The following OR4K2 variants were observed in gnomAD, a reference collection of about 807,000 sequenced individuals.
The protein encoded by OR4K2 is olfactory receptor family 4 subfamily K member 2.
In OR4K2, 8 loss-of-function variants were observed where a neutral mutation model predicts 10.5. That is an observed-to-expected ratio of 0.76 (90% CI 0.45 to 1.37). OR4K2 has a LOEUF of 1.37. OR4K2 is among the 40% of genes most tolerant of loss of function. OR4K2 has a pLI of 0.00. For missense variants in OR4K2, 547 were observed against 379.5 expected, an observed-to-expected ratio of 1.44 and a Z score of -3.67; for synonymous variants, 178 against 133.6, an observed-to-expected ratio of 1.33 and a Z score of -2.29.
At position 19,880,143 on chromosome 14, in the gene OR4K2, G is replaced by T. The variant is rs1047334435; in HGVS notation, c.*2931G>T. The T allele has an allele frequency of 1.3e-5, 2 of 152,988 alleles. No homozygotes were observed. The highest frequency in any genetic ancestry group is 3.6e-4 in the South Asian group (2 of 5,564). The allele number at this position is 152,988 out of a possible 1,614,324, so 9.5% of individuals were successfully genotyped here. On this transcript the variant is annotated 3_prime_UTR_variant, in exon 2 of 2. Coordinates refer to ENST00000641885, the MANE Select transcript of OR4K2 (RefSeq NM_001005501.2). ...CCAACACAATTCTTCTTCCAATGTG[G>T]CCCAGAGAAGCCAAAACTTTGGACA...
rs1276886850 is a variant in OR4K2 at position 19,883,101 on chromosome 14, C to T, written c.*5889C>T. On this transcript the variant is annotated 3_prime_UTR_variant, in exon 2 of 2. Transcript: ENST00000641885. ...GTCTGAAATATGCTGATTGCATGCT[C>T]ATGGTACAGTTCAACATGGACTTCT... is the stretch of plus-strand genomic sequence containing the variant. The T allele has an allele frequency of 1.3e-5, 2 of 152,334 alleles. No individual in the cohort carries two copies. The highest frequency in any genetic ancestry group is 1.3e-4 in the Admixed American group (2 of 15,294). 9.4% of individuals were successfully genotyped at this position (152,334 alleles called of 1,614,324 possible). A position where few individuals can be genotyped will look rare whatever the true frequency, so the allele number is the denominator to read the frequency against.
At position 19,875,232 on chromosome 14, in the gene OR4K2, C is replaced by T. The variant is rs1235222531; in HGVS notation, c.-926C>T. 6.6e-6 allele frequency: 1 copy of T among 152,260 alleles called. No individual in the cohort carries two copies. Among genetic ancestry groups the T allele is most frequent in the African/African-American group, 2.4e-5 (1 of 41,472 alleles). The allele number at this position is 152,260 out of a possible 1,614,324, so 9.4% of individuals were successfully genotyped here. On this transcript the variant is annotated 5_prime_UTR_variant, in exon 1 of 2. Transcript: ENST00000641885. Reference sequence around the variant, plus strand: ...TATATTTTAAATTGCCTTCGATGCTCTGTCAGAAGCCTACTTAACACTGAA... The same window carrying T: ...TATATTTTAAATTGCCTTCGATGCTTTGTCAGAAGCCTACTTAACACTGAA...
rs1337113906 is a variant in OR4K2, at chr14:19,881,508, A to G, written c.*4296A>G. On this transcript the variant is annotated 3_prime_UTR_variant, in exon 2 of 2. Coordinates refer to ENST00000641885, the MANE Select transcript of OR4K2 (RefSeq NM_001005501.2). ...TTTTCTCTTTGATTTTTGTAAAACA[A>G]ACAAATAAATTCCAATATCTAGTAT... 1 of 152,056 alleles carries G rather than the reference A, an allele frequency of 6.6e-6. No individual in the cohort carries two copies. The highest frequency in any genetic ancestry group is 1.5e-5 in the Non-Finnish European group (1 of 68,030). The allele number at this position is 152,056 out of a possible 1,614,324, so 9.4% of individuals were successfully genotyped here.
rs373060743 is a variant in OR4K2, at chr14:19,876,406, A to G, written c.139A>G (p.Ile47Val). The change falls in exon 2 of 2, where the codon ATC becomes GTC. Residue 47 changes from isoleucine to valine, a missense_variant. Coordinates refer to ENST00000641885, the MANE Select transcript of OR4K2 (RefSeq NM_001005501.2). ...ATMVGNSLIV[I>V]TVIVDPHLHS... ...AATGGTGGGTAACAGCCTCATAGTC[A>G]TCACAGTTATAGTGGACCCTCACCT... The G allele has an allele frequency of 1.9e-6, 3 of 1,613,938 alleles. No individual in the cohort carries two copies. The highest frequency in any genetic ancestry group is 2.5e-6 in the Non-Finnish European group (3 of 1,179,958).
chr14:19,876,554 G>T lies in OR4K2; in HGVS notation c.287G>T (p.Gly96Val), dbSNP rs1389547145. Reference sequence around the variant, plus strand: ...GGTCACAAAACCATCTCTTTTGATGGCTGCCTTACCCAGATATTCTTTCTC... The same window carrying T: ...GGTCACAAAACCATCTCTTTTGATGTCTGCCTTACCCAGATATTCTTTCTC... ...LTGHKTISFD[G>V]CLTQIFFLHL... The change falls in exon 2 of 2, where the codon GGC (glycine) becomes GTC (valine). Residue 96 changes from glycine (G) to valine (V), a missense_variant. Coordinates refer to ENST00000641885, the MANE Select transcript of OR4K2 (RefSeq NM_001005501.2). The T allele has an allele frequency of 6.2e-7, 1 of 1,614,134 alleles. No individual in the cohort carries two copies. The highest frequency in any genetic ancestry group is 8.5e-7 in the Non-Finnish European group (1 of 1,179,994).
In OR4K2 at chr14:19,876,631, A is replaced by T. The variant is rs1880909155; in HGVS notation, c.364A>T (p.Arg122Trp). Residue 122 changes from arginine (R) to tryptophan (W), a missense_variant, in exon 2 of 2, where the codon AGG (arginine) becomes TGG (tryptophan). By Grantham distance (101) the Arg-to-Trp change is moderately radical (BLOSUM62 -3). Coordinates refer to ENST00000641885, the MANE Select transcript of OR4K2 (RefSeq NM_001005501.2). Reference sequence around the variant, plus strand: ...CTTACTCATGGCCATGTCCTTTGATAGGTATATTGCAATATGCAAGCCCCT... The same window carrying T: ...CTTACTCATGGCCATGTCCTTTGATTGGTATATTGCAATATGCAAGCCCCT... Reference protein sequence around the residue: ...IILLMAMSFDRYIAICKPLHY... With the variant: ...IILLMAMSFDWYIAICKPLHY... 1.2e-6 allele frequency: 2 copies of T among 1,614,172 alleles called. No individual in the cohort carries two copies. The highest frequency in any genetic ancestry group is 4.5e-5 in the East Asian group (2 of 44,894).
rs1271168155 is a variant in OR4K2 at position 19,879,116 on chromosome 14, T to C, written c.*1904T>C. The C allele has an allele frequency of 6.6e-6, 1 of 152,130 alleles. No individual in the cohort carries two copies. The highest frequency in any genetic ancestry group is 6.6e-5 in the Admixed American group (1 of 15,266). 9.4% of individuals were successfully genotyped at this position (152,130 alleles called of 1,614,324 possible). A position where few individuals can be genotyped will look rare whatever the true frequency, so the allele number is the denominator to read the frequency against. On this transcript the variant is annotated 3_prime_UTR_variant, in exon 2 of 2. Transcript: ENST00000641885. ...ACAACTCTATAAGGCAAGTCAATAA[T>C]GAGATTAAGTAGTTGGATTGATAGT...
rs961190172 is a variant in OR4K2, at chr14:19,882,000, G to A, written c.*4788G>A. On this transcript the variant is annotated 3_prime_UTR_variant, in exon 2 of 2. Coordinates refer to ENST00000641885, the MANE Select transcript of OR4K2 (RefSeq NM_001005501.2). Reference sequence around the variant, plus strand: ...ATTTAATACAATGTATTAAATGCTTGTGAATAATTCAAAGACTTACAGGAA... The same window carrying A: ...ATTTAATACAATGTATTAAATGCTTATGAATAATTCAAAGACTTACAGGAA... The A allele has an allele frequency of 2.0e-5, 3 of 152,202 alleles. No individual in the cohort carries two copies. Among genetic ancestry groups the A allele is most frequent in the African/African-American group, 7.2e-5 (3 of 41,440 alleles). 9.4% of individuals were successfully genotyped at this position (152,202 alleles called of 1,614,324 possible).
At position 19,880,906 on chromosome 14, in the gene OR4K2, T is replaced by G. The variant is rs983304891; in HGVS notation, c.*3694T>G. On this transcript the variant is annotated 3_prime_UTR_variant, in exon 2 of 2. Coordinates refer to ENST00000641885, the MANE Select transcript of OR4K2 (RefSeq NM_001005501.2). Reference sequence around the variant, plus strand: ...ATTATATGAGCTGTCTTATGTGAAGTATTTTTCTGCATTGATAAGGGTTTA... The same window carrying G: ...ATTATATGAGCTGTCTTATGTGAAGGATTTTTCTGCATTGATAAGGGTTTA... 1.3e-5 allele frequency: 2 copies of G among 152,272 alleles called. No individual in the cohort carries two copies. Among genetic ancestry groups the G allele is most frequent in the African/African-American group, 4.8e-5 (2 of 41,476 alleles). 9.4% of individuals were successfully genotyped at this position (152,272 alleles called of 1,614,324 possible). A position where few individuals can be genotyped will look rare whatever the true frequency, so the allele number is the denominator to read the frequency against.
Position 19,880,473 on chromosome 14 carries a change from T to C in OR4K2, c.*3261T>C, listed in dbSNP as rs544976286. On this transcript the variant is annotated 3_prime_UTR_variant, in exon 2 of 2. Transcript: ENST00000641885. ...GGTGATAACCTCTGGATATCTTTGT[T>C]TATGGGACTTGATAGTCTCTTGAGC... 1.3e-5 allele frequency: 2 copies of C among 152,226 alleles called. No homozygotes were observed. Among genetic ancestry groups the C allele is most frequent in the Non-Finnish European group, 2.9e-5 (2 of 68,028 alleles). 9.4% of individuals were successfully genotyped at this position (152,226 alleles called of 1,614,324 possible).
chr14:19,876,302 T>A lies in OR4K2; in HGVS notation c.35T>A (p.Phe12Tyr). The change falls in exon 2 of 2, where the codon TTT becomes TAT. Residue 12 changes from phenylalanine (F) to tyrosine (Y), a missense_variant. Coordinates refer to ENST00000641885, the MANE Select transcript of OR4K2 (RefSeq NM_001005501.2). ...DVGNKSTMSE[F>Y]VLLGLSNSWE... ...GGCAATAAGTCTACCATGTCTGAAT[T>A]TGTTTTGCTGGGGCTCTCTAATTCC... is the stretch of plus-strand genomic sequence containing the variant. The A allele has an allele frequency of 6.2e-7, 1 of 1,613,408 alleles. No individual in the cohort carries two copies. Among genetic ancestry groups the A allele is most frequent in the Non-Finnish European group, 8.5e-7 (1 of 1,179,722 alleles).
rs773011464 is a variant in OR4K2, at chr14:19,876,983, CTTGTACAGCTCATTTCA to C, written c.721_737del (p.Thr241CysfsTer58). Reference sequence around the variant, plus strand: ...AGAGGATCATCTAAGGCCCTTTCTACTTGTACAGCTCATTTCATTGTTGTCTTCTTGTTCTTTGGGCC... The same window carrying C: ...AGAGGATCATCTAAGGCCCTTTCTACTTGTTGTCTTCTTGTTCTTTGGGCC... On this transcript the variant is annotated frameshift_variant, in exon 2 of 2. Transcript: ENST00000641885. LOFTEE classifies it high-confidence loss of function. The C allele has an allele frequency of 6.2e-7, 1 of 1,613,978 alleles. No homozygotes were observed. The highest frequency in any genetic ancestry group is 1.7e-5 in the Admixed American group (1 of 60,018).
Position 19,877,080 on chromosome 14 carries a change from G to T in OR4K2, c.813G>T (p.Leu271=). 3.1e-6 allele frequency: 5 copies of T among 1,611,146 alleles called. No individual in the cohort carries two copies. The highest frequency in any genetic ancestry group is 4.2e-6 in the Non-Finnish European group (5 of 1,179,822). The part of the protein sequence containing the change: ...PLSSFLTDKI[L]SVFYTIFTPT... ...GCAGCTTTCTCACAGACAAGATTCT[G>T]TCTGTGTTTTATACCATCTTTACTC... The change falls in exon 2 of 2, where the codon CTG becomes CTT. Residue 271 remains leucine, a synonymous_variant. Transcript: ENST00000641885.
Position 19,877,181 on chromosome 14 carries a change from T to G in OR4K2, c.914T>G (p.Phe305Cys). The G allele has an allele frequency of 6.3e-7, 1 of 1,595,368 alleles. No homozygotes were observed. The highest frequency in any genetic ancestry group is 8.5e-7 in the Non-Finnish European group (1 of 1,176,854). The change falls in exon 2 of 2, where the codon TTT (phenylalanine) becomes TGT (cysteine). Residue 305 changes from phenylalanine to cysteine, a missense_variant. Coordinates refer to ENST00000641885, the MANE Select transcript of OR4K2 (RefSeq NM_001005501.2). ...KIAMRKLKNR[F>C]LNFNKAMPS ...GCCATGAGGAAACTGAAAAATAGGTTTCTAAATTTTAATAAGGCAATGCCT... is the reference window on the plus strand; with the variant it reads ...GCCATGAGGAAACTGAAAAATAGGTGTCTAAATTTTAATAAGGCAATGCCT...
rs189109364 is a variant in OR4K2, at chr14:19,882,848, G to A, written c.*5636G>A. 17 of 85,130 alleles carry A rather than the reference G, an allele frequency of 2.0e-4. No individual in the cohort carries two copies. The East Asian group carries it at 7.3e-3, about 37-fold the overall frequency. The allele number at this position is 85,130 out of a possible 1,614,324, so 5.3% of individuals were successfully genotyped here. ...TTTTTTCTTTTTTTTTTTTTTTTGA[G>A]ACGGAGTCTTGCTCTGTCGCCCAGG... On this transcript the variant is annotated 3_prime_UTR_variant, in exon 2 of 2. Transcript: ENST00000641885.
Position 19,882,134 on chromosome 14 carries a change from A to G in OR4K2, c.*4922A>G, listed in dbSNP as rs572484569. On this transcript the variant is annotated 3_prime_UTR_variant, in exon 2 of 2. Coordinates refer to ENST00000641885, the MANE Select transcript of OR4K2 (RefSeq NM_001005501.2). ...GCCTTGGTGTCATTGCCACTCCTTC[A>G]TCACCCTCAGCACTCTTGAAGGTGG... is the stretch of plus-strand genomic sequence containing the variant. The G allele has an allele frequency of 6.6e-6, 1 of 152,398 alleles. No individual in the cohort carries two copies. Among genetic ancestry groups the G allele is most frequent in the African/African-American group, 2.4e-5 (1 of 41,454 alleles). 9.4% of individuals were successfully genotyped at this position (152,398 alleles called of 1,614,324 possible). A position where few individuals can be genotyped will look rare whatever the true frequency, so the allele number is the denominator to read the frequency against.
At position 19,876,391 on chromosome 14, in the gene OR4K2, A is replaced by G. The variant is rs778877181; in HGVS notation, c.124A>G (p.Asn42Asp). The G allele has an allele frequency of 6.2e-6, 10 of 1,614,064 alleles. No homozygotes were observed. In the East Asian group the frequency reaches 2.0e-4, roughly 32 times the overall value. The change falls in exon 2 of 2, where the codon AAC (asparagine) becomes GAC (aspartate). Residue 42 changes from asparagine (N) to aspartate (D), a missense_variant. Physicochemically the swap from Asn to Asp is conservative, Grantham distance 23. Coordinates refer to ENST00000641885, the MANE Select transcript of OR4K2 (RefSeq NM_001005501.2). ...GCTTTATGTGGCAACAATGGTGGGT[A>G]ACAGCCTCATAGTCATCACAGTTAT... ...SLLYVATMVG[N>D]SLIVITVIVD...
Position 19,883,839 on chromosome 14 carries a change from A to G in OR4K2, c.*6627A>G, listed in dbSNP as rs1881096781. On this transcript the variant is annotated 3_prime_UTR_variant, in exon 2 of 2. Transcript: ENST00000641885. ...CTCTTGCAGCTCAATTGCTTTTTAA[A>G]TAAAATAAATTTGAATCCCTGTTTG... 1 of 152,276 alleles carries G rather than the reference A, an allele frequency of 6.6e-6. No individual in the cohort carries two copies. Among genetic ancestry groups the G allele is most frequent in the African/African-American group, 2.4e-5 (1 of 41,470 alleles). The allele number at this position is 152,276 out of a possible 1,614,324, so 9.4% of individuals were successfully genotyped here.
Position 19,877,229 on chromosome 14 carries a change from C to T in OR4K2, c.*17C>T, listed in dbSNP as rs762762955. ...CCTTCATAGTTTTTGTGACACAGAA[C>T]ATTAGACACAATGCTGTGTTAGGCT... On this transcript the variant is annotated 3_prime_UTR_variant, in exon 2 of 2. Transcript: ENST00000641885. 4 of 1,475,412 alleles carry T rather than the reference C, an allele frequency of 2.7e-6. No homozygotes were observed. In the East Asian group the frequency reaches 6.8e-5, roughly 25 times the overall value. The allele number at this position is 1,475,412 out of a possible 1,614,324, so 91.4% of individuals were successfully genotyped here.
Sources: allele counts gnomAD v4.1 joint callset, GRCh38; gene constraint gnomAD v4.1.1; transcripts MANE v1.5; gene names NCBI Gene and HGNC (gene_info 2026-07-23, HGNC 2026-07-21).